Variants in NAV3 observed in about 807,000 individuals in gnomAD.
NAV3 encodes neuron navigator 3.
Under a neutral mutation model 244.7 loss-of-function variants are expected in NAV3, and 87 were observed. That is an observed-to-expected ratio of 0.36 (90% CI 0.30 to 0.42). The LOEUF (loss-of-function observed/expected upper bound fraction) is 0.42. Ranked by LOEUF, NAV3 falls within the 20% of genes least tolerant of loss-of-function variation. The pLI, the probability that NAV3 is intolerant of heterozygous loss-of-function variation, is 1.00. For synonymous variants in NAV3, 1,126 were observed against 1,042.2 expected (o/e 1.08, Z -1.55); for missense variants, 2,663 against 2,893.3 (o/e 0.92, Z 1.83).
chr12:78,009,941 A>C (rs1167610285), intron 8 of NAV3, among the ~76,000 whole-genome samples: 2 of 152,166 alleles, frequency 1.3e-5, no homozygotes, highest in Non-Finnish European at 2.9e-5. Flanking sequence ...TATGGTTGGC[A>C]TGGTGGCTCA....
intron 2 of NAV3, among the ~76,000 whole-genome samples, chr12:77,580,929 T>C (rs929528003): frequency 6.6e-6 from 1 of 152,220 alleles, no homozygotes. Flanking sequence ...GTTAGTAAGA[T>C]GTAATACTTG....
chr12:77,662,327 G>A (rs575133071), intron 2 of NAV3, among the ~76,000 whole-genome samples: 4 of 151,252 alleles, frequency 2.6e-5, no homozygotes, highest in African/African-American at 7.3e-5. Context: ...CGGTTTATGC[G>A]TCTTACACTT....
intron 1 of NAV3, among the ~76,000 whole-genome samples, chr12:77,896,139 A>G (rs1884607093): frequency 6.6e-6 from 1 of 152,108 alleles, no homozygotes; most frequent in Admixed American, 6.6e-5. Context: ...CAAGAGACAG[A>G]TCGCTACTAC....
intron 2 of NAV3, among the ~76,000 whole-genome samples, chr12:77,819,026 C>T (rs1322973564): frequency 7.0e-6 from 1 of 143,042 alleles, no homozygotes; most frequent in Non-Finnish European, 1.5e-5. Context: ...GAACTTTATT[C>T]CTTTTAATTT....
At chr12:77,659,673 C>T (rs541259407) in intron 2 of NAV3, among the ~76,000 whole-genome samples, 1,572 of 152,086 alleles carry the variant, frequency 0.01, 13 homozygotes, top group Non-Finnish European at 0.014. Context: ...ATGTTTATTG[C>T]GGCACTATTC....
At chr12:78,181,104 A>G in intron 30 of NAV3, 59 bp downstream of exon 30, 4 of 1,522,828 alleles carry the variant, frequency 2.6e-6, no homozygotes, top group Admixed American at 3.8e-5. Context: ...ACGGGTGGGA[A>G]GCCTGGAATT....
At chr12:78,146,183 A>G (rs1431628490) in intron 20 of NAV3, among the ~76,000 whole-genome samples, 186 bp from the exon 21 acceptor site, 3 of 152,074 alleles carry the variant, frequency 2.0e-5, no homozygotes, top group Non-Finnish European at 4.4e-5. Flanking sequence ...ATATTAAGAA[A>G]CATTTATATA....
At chr12:77,994,780 T>G in intron 5 of NAV3, 23 bp from the exon 6 acceptor site, 1 of 1,582,790 alleles carries the variant, frequency 6.3e-7, no homozygotes, top group Non-Finnish European at 8.6e-7. Context: ...TTTAATTCAA[T>G]TTCTCTGTTT....
rs143576276 is a variant in NAV3, at chr12:78,137,962, G to A, written c.4630+597G>A. ...CAGCTTGAAAACCTCAGGAAGCTGA[G>A]TTGATGCTCAAATATATATATTTTT... On this transcript the variant is annotated intron_variant, in intron 19 of 39. Coordinates refer to ENST00000397909, the MANE Select transcript of NAV3 (RefSeq NM_001024383.2). Among the ~76,000 whole-genome samples the A allele has an allele frequency of 1.9e-3, 283 of 152,224 alleles. 1 individual carries two copies. The highest frequency in any genetic ancestry group is 3.3e-3 in the Non-Finnish European group (223 of 68,004).
chr12:77,984,821 T>C lies in NAV3; in HGVS notation c.672-9982T>C, dbSNP rs183400170. Among the ~76,000 whole-genome samples the C allele has an allele frequency of 5.0e-3, 764 of 152,268 alleles. 6 individuals are homozygous for C. The highest frequency in any genetic ancestry group is 6.2e-3 in the Non-Finnish European group (425 of 68,016). ...CATTAAATATAAAATTATAGGTTTT[T>C]TGTTTTTTTTTTCGAGACGGAGTCT... On this transcript the variant is annotated intron_variant, in intron 5 of 39. Coordinates refer to ENST00000397909, the MANE Select transcript of NAV3 (RefSeq NM_001024383.2).
chr12:77,988,233 C>A (rs753216280), intron 5 of NAV3, among the ~76,000 whole-genome samples: 2 of 152,198 alleles, frequency 1.3e-5, no homozygotes, highest in Non-Finnish European at 2.9e-5. Context: ...ATATTTCTAA[C>A]AAGCCCCAGG....
At chr12:77,881,162 G>T (rs898199327) in intron 1 of NAV3, among the ~76,000 whole-genome samples, 2 of 152,062 alleles carry the variant, frequency 1.3e-5, no homozygotes, top group Non-Finnish European at 2.9e-5. Flanking sequence ...TTACTTAGTG[G>T]ATCTCAAACT....
At chr12:77,775,345 T>C (rs1202460640) in intron 2 of NAV3, among the ~76,000 whole-genome samples, 2 of 151,440 alleles carry the variant, frequency 1.3e-5, no homozygotes, top group African/African-American at 4.9e-5. Context: ...TGAGCCGAGA[T>C]TGCACCATTG....
At chr12:77,822,091 C>T (rs1872766566) in intron 2 of NAV3, among the ~76,000 whole-genome samples, 1 of 152,056 alleles carries the variant, frequency 6.6e-6, no homozygotes, top group Non-Finnish European at 1.5e-5. Context: ...CCAAAGCTGA[C>T]TACATTTGCT....
chr12:77,680,376 C>T (rs1314656619), intron 2 of NAV3, among the ~76,000 whole-genome samples: 2 of 152,100 alleles, frequency 1.3e-5, no homozygotes, highest in African/African-American at 2.4e-5. Flanking sequence ...CACACTTCGC[C>T]TAGGGGAAGA....
chr12:78,085,532 A>T (rs1165182492), intron 12 of NAV3, among the ~76,000 whole-genome samples: 2 of 152,300 alleles, frequency 1.3e-5, no homozygotes, highest in Admixed American at 1.3e-4. Flanking sequence ...AACTTACTAT[A>T]GTGGCAATTC....
At chr12:78,127,251 TG>T in intron 17 of NAV3, 43 bp downstream of exon 17, 1 of 1,575,022 alleles carries the variant, frequency 6.3e-7, no homozygotes. Flanking sequence ...TCTGTTGTTA[TG>T]TAAACTTTGT....
At chr12:77,805,719 T>A (rs1185790197) in intron 2 of NAV3, among the ~76,000 whole-genome samples, 3 of 152,210 alleles carry the variant, frequency 2.0e-5, no homozygotes, top group African/African-American at 7.2e-5. Flanking sequence ...TTCTATTGAT[T>A]GGAATAGTTT....
intron 2 of NAV3, among the ~76,000 whole-genome samples, chr12:77,738,796 GT>G (rs1868273258): frequency 6.6e-6 from 1 of 152,106 alleles, no homozygotes; most frequent in South Asian, 2.1e-4. Flanking sequence ...GGATCACGAG[GT>G]CAGGAGATCG....
Sources: gnomAD v4.1 joint callset for allele counts (sites outside exome capture counted in the v4.1 genomes callset) on GRCh38, gnomAD v4.1.1 for gene constraint, MANE v1.5 for transcripts, NCBI Gene and HGNC (gene_info 2026-07-23, HGNC 2026-07-21) for gene names.